The following BTF3L4 variants were observed in gnomAD, a reference collection of about 807,000 sequenced individuals.
BTF3L4 encodes basic transcription factor 3 like 4.
BTF3L4 carries 6 observed loss-of-function variants against 16.8 expected under a neutral mutation model. The ratio of observed to expected loss-of-function variants is 0.36; its 90% CI spans 0.20 to 0.71. The LOEUF (loss-of-function observed/expected upper bound fraction) is 0.71. Among genes scored for constraint, BTF3L4 ranks in the 30% least tolerant of loss-of-function variants. The pLI is 0.58. For missense variants in BTF3L4, 92 were observed against 186.9 expected (o/e 0.49, Z 2.96); for synonymous variants, 39 against 59.8 (o/e 0.65, Z 1.60).
chr1:52,083,254 C>A, intron 3 of BTF3L4, 86 bp from the exon 4 acceptor site: 1 of 1,127,790 alleles, frequency 8.9e-7, no homozygotes, highest in South Asian at 1.4e-5. Context: ...AAGTAAAGAA[C>A]CATAATTGGC....
chr1:52,081,316 T>C (rs1643918670), intron 3 of BTF3L4, among the ~76,000 whole-genome samples: 1 of 151,864 alleles, frequency 6.6e-6, no homozygotes, highest in Non-Finnish European at 1.5e-5. Context: ...GTATTTTTAG[T>C]AGAGATGGGG....
At chr1:52,073,589 A>G (rs1489012299) in intron 3 of BTF3L4, among the ~76,000 whole-genome samples, 2 of 145,580 alleles carry the variant, frequency 1.4e-5, no homozygotes. Flanking sequence ...GCAATGACTC[A>G]TGCCTGTAAT....
In BTF3L4 at chr1:52,064,952, G is replaced by A; in HGVS notation, c.168+14G>A. 6.6e-7 allele frequency: 1 copy of A among 1,524,286 alleles called. No homozygotes were observed. The highest frequency in any genetic ancestry group is 1.2e-5 in the South Asian group (1 of 86,924). 94.4% of individuals were successfully genotyped at this position (1,524,286 alleles called of 1,614,324 possible). Reference sequence around the variant, plus strand: ...GGTATTGAAGAGGTATGATCACTTTGCAAGTTGTTAAATTGTGTGGGTACA... The same window carrying A: ...GGTATTGAAGAGGTATGATCACTTTACAAGTTGTTAAATTGTGTGGGTACA... On this transcript the variant is annotated intron_variant, in intron 3 of 5. Coordinates refer to ENST00000313334, the MANE Select transcript of BTF3L4 (RefSeq NM_152265.5).
At chr1:52,071,516 G>A (rs1033063901) in intron 3 of BTF3L4, among the ~76,000 whole-genome samples, 3 of 152,180 alleles carry the variant, frequency 2.0e-5, no homozygotes, top group African/African-American at 7.2e-5. Flanking sequence ...TTTATAGCAT[G>A]CTGATTCTCT....
At position 52,085,001 on chromosome 1, in the gene BTF3L4, A is replaced by T. The variant is rs187425847; in HGVS notation, c.371-1111A>T. ...CTAGATACTTTCTTACACCAAAAGA[A>T]ATGAAAAAAATCTTTTTTTTTTTTT... On this transcript the variant is annotated intron_variant, in intron 4 of 5. Transcript: ENST00000313334. 1.8e-3 allele frequency among the ~76,000 whole-genome samples: 265 copies of T among 147,446 alleles called. 5 individuals are homozygous for T. The highest frequency in any genetic ancestry group is 0.017 in the Admixed American group (233 of 13,888).
Position 52,064,905 on chromosome 1 carries a change from A to G in BTF3L4, c.135A>G (p.Lys45=). 1.2e-6 allele frequency: 2 copies of G among 1,613,098 alleles called. No homozygotes were observed. Among genetic ancestry groups the G allele is most frequent in the Non-Finnish European group, 1.7e-6 (2 of 1,179,500 alleles). ...DDKKLQSSLK[K]LAVNNIAGIE... The stretch of plus-strand genomic sequence containing the variant: ...AAAAGCTTCAGAGTTCTCTAAAAAA[A>G]CTGGCTGTGAATAATATAGCTGGTA... The change falls in exon 3 of 6, where the codon AAA becomes AAG. Residue 45 remains lysine, a synonymous_variant. Coordinates refer to ENST00000313334, the MANE Select transcript of BTF3L4 (RefSeq NM_152265.5).
intron 3 of BTF3L4, among the ~76,000 whole-genome samples, chr1:52,071,803 T>C (rs910929416): frequency 6.6e-6 from 1 of 152,088 alleles, no homozygotes; most frequent in Non-Finnish European, 1.5e-5. Context: ...CAGGTGCCCA[T>C]AGATAGACAG....
rs554848292 is a variant in BTF3L4 at position 52,074,064 on chromosome 1, G to GT, written c.168+9127dup. Among the ~76,000 whole-genome samples the GT allele has an allele frequency of 1.2e-3, 180 of 152,176 alleles. 1 individual carries two copies. Among genetic ancestry groups the GT allele is most frequent in the Non-Finnish European group, 2.3e-3 (153 of 67,980 alleles). On this transcript the variant is annotated intron_variant, in intron 3 of 5. Coordinates refer to ENST00000313334, the MANE Select transcript of BTF3L4 (RefSeq NM_152265.5). ...GCCTGTGATCCCAGCTACTCAGAGG[G>GT]TGAGGCAGGAGGATACTTTGAGCCC...
chr1:52,086,925 A>G lies in BTF3L4; in HGVS notation c.*167A>G. On this transcript the variant is annotated 3_prime_UTR_variant, in exon 6 of 6. Transcript: ENST00000313334. ...GCATTTTTCGGTCATTTGATTTTGC[A>G]TTTTGCACTTCCTCCCAGGATATTT... The G allele has an allele frequency of 2.3e-6, 1 of 437,366 alleles. No individual in the cohort carries two copies. Among genetic ancestry groups the G allele is most frequent in the Non-Finnish European group, 4.1e-6 (1 of 241,628 alleles). The allele number at this position is 437,366 out of a possible 1,614,324, so 27.1% of individuals were successfully genotyped here.
intron 4 of BTF3L4, 89 bp downstream of exon 4, chr1:52,083,630 T>C: frequency 9.9e-7 from 1 of 1,013,676 alleles, no homozygotes; most frequent in Admixed American, 2.3e-5. Flanking sequence ...AATTTGGATT[T>C]GCCTGTATGT....
At chr1:52,066,901 G>A (rs1274401496) in intron 3 of BTF3L4, among the ~76,000 whole-genome samples, 1 of 151,710 alleles carries the variant, frequency 6.6e-6, no homozygotes, top group Non-Finnish European at 1.5e-5. Flanking sequence ...TTTTAAATAG[G>A]TGACTAATGT....
At chr1:52,086,691 T>C (rs956461558) in intron 5 of BTF3L4, 21 bp from the exon 6 acceptor site, 1 of 1,496,696 alleles carries the variant, frequency 6.7e-7, no homozygotes, top group Non-Finnish European at 9.2e-7. Flanking sequence ...TTGATTCATA[T>C]ACTTTGTTTT....
In BTF3L4 at chr1:52,059,919, A is replaced by G. The variant is rs1248019866; in HGVS notation, c.54+18A>G. 2 of 1,605,010 alleles carry G rather than the reference A, an allele frequency of 1.2e-6. No homozygotes were observed. Among genetic ancestry groups the G allele is most frequent in the African/African-American group, 2.7e-5 (2 of 74,660 alleles). Reference sequence around the variant, plus strand: ...GGGGCAAGGTGAGTGTGGCATAAGAAAAATTGATAGGAGAATGTATGATTA... The same window carrying G: ...GGGGCAAGGTGAGTGTGGCATAAGAGAAATTGATAGGAGAATGTATGATTA... On this transcript the variant is annotated intron_variant, in intron 2 of 5. Transcript: ENST00000313334.
At chr1:52,075,041 G>A (rs761235424) in intron 3 of BTF3L4, among the ~76,000 whole-genome samples, 32 of 151,822 alleles carry the variant, frequency 2.1e-4, no homozygotes, top group South Asian at 4.2e-4. Context: ...ACGGGCATGA[G>A]CCACCACACC....
chr1:52,080,519 G>GTTTTTTTTTTTTTTTTTTTTTTTT (rs753783341), intron 3 of BTF3L4, among the ~76,000 whole-genome samples: 1 of 70,232 alleles, frequency 1.4e-5, no homozygotes. Flanking sequence ...GGTTTTTTGG[G>GTTTTTTTTTTTTTTTTTTTTTTTT]TTTTTTTTTT....
chr1:52,075,319 T>C (rs1686902997), intron 3 of BTF3L4, among the ~76,000 whole-genome samples: 1 of 150,698 alleles, frequency 6.6e-6, no homozygotes, highest in African/African-American at 2.4e-5. Context: ...TTTGGGAGGA[T>C]CACGAGGTCT....
intron 3 of BTF3L4, among the ~76,000 whole-genome samples, chr1:52,078,849 A>G (rs573500181): frequency 3.9e-4 from 59 of 150,768 alleles, no homozygotes; most frequent in Non-Finnish European, 4.6e-4. Context: ...ATCTTTAGGG[A>G]AAAAAAAACA....
At chr1:52,062,803 C>T (rs956874165) in intron 2 of BTF3L4, among the ~76,000 whole-genome samples, 3 of 152,174 alleles carry the variant, frequency 2.0e-5, no homozygotes, top group Non-Finnish European at 4.4e-5. Context: ...GGACTGGTTT[C>T]GTGGAAGACA....
intron 1 of BTF3L4, among the ~76,000 whole-genome samples, chr1:52,058,432 T>A (rs1397565091): frequency 6.6e-6 from 1 of 152,206 alleles, no homozygotes; most frequent in African/African-American, 2.4e-5. Flanking sequence ...CTGCTTTTTT[T>A]AATCTCTCAA....
Sources: allele counts gnomAD v4.1 joint callset (sites outside exome capture counted in the v4.1 genomes callset), GRCh38; gene constraint gnomAD v4.1.1; transcripts MANE v1.5; gene names NCBI Gene and HGNC (gene_info 2026-07-23, HGNC 2026-07-21).